Variants in WDR86 observed in about 807,000 individuals in gnomAD.
The protein encoded by WDR86 is WD repeat-containing protein 86.
WDR86 carries 30 observed loss-of-function variants against 36.5 expected under a neutral mutation model. That is an observed-to-expected ratio of 0.82 (90% CI 0.61 to 1.11). The LOEUF (loss-of-function observed/expected upper bound fraction) is 1.11, where lower values mean the gene tolerates loss of function less well. WDR86 is among the 50% of genes most tolerant of loss of function. The pLI is 0.00. For synonymous variants in WDR86, 255 were observed against 252.9 expected, an observed-to-expected ratio of 1.01 and a Z score of -0.08; for missense variants, 545 against 561.2, an observed-to-expected ratio of 0.97 and a Z score of 0.29.
chr7:151,389,704 C>T (rs952200940), intron 3 of WDR86, among the ~76,000 whole-genome samples: 2 of 152,126 alleles, frequency 1.3e-5, no homozygotes, highest in Non-Finnish European at 2.9e-5. Flanking sequence ...GTCTCAGGTG[C>T]ACCCACCAGG....
At chr7:151,379,816 G>A (rs530124823), downstream of WDR86, among the ~76,000 whole-genome samples, 2 of 152,288 alleles carry the variant, frequency 1.3e-5, no homozygotes, top group Admixed American at 6.5e-5. Context: ...TCAGTGAGGG[G>A]CTGCTCAGGC....
At chr7:151,382,942 C>G (rs1428139488) in intron 4 of WDR86, among the ~76,000 whole-genome samples, 1 of 150,120 alleles carries the variant, frequency 6.7e-6, no homozygotes, top group Non-Finnish European at 1.5e-5. Context: ...GGCTACCTAT[C>G]TATCTGAGGG....
downstream of WDR86, chr7:151,377,407 G>T: frequency 6.3e-6 from 3 of 474,856 alleles, no homozygotes; most frequent in South Asian, 3.3e-5. Flanking sequence ...TCTCGGGGAA[G>T]AAGCTTCCTC....
At chr7:151,382,394 G>T (rs1386873323) in intron 4 of WDR86, among the ~76,000 whole-genome samples, 1 of 152,140 alleles carries the variant, frequency 6.6e-6, no homozygotes, top group Non-Finnish European at 1.5e-5. Context: ...TCAAAGCCCA[G>T]CCCTCTGGGG....
intron 3 of WDR86, 85 bp from the exon 4 acceptor site, chr7:151,385,308 T>C (rs1385774216): frequency 1.3e-6 from 2 of 1,571,832 alleles, no homozygotes; most frequent in Admixed American, 3.5e-5. Flanking sequence ...GGAAGGGGCA[T>C]GTGCAGGTCT....
chr7:151,378,926 G>A (rs1798437227), downstream of WDR86, among the ~76,000 whole-genome samples: 1 of 152,246 alleles, frequency 6.6e-6, no homozygotes, highest in Non-Finnish European at 1.5e-5. Context: ...GAAGCCGGCT[G>A]TGGAGGCAGT....
rs551228585 is a variant in WDR86 at position 151,406,346 on chromosome 7, G to T, written c.163+3081C>A. 3.2e-4 allele frequency among the ~76,000 whole-genome samples: 48 copies of T among 152,220 alleles called. 1 individual carries two copies. The highest frequency in any genetic ancestry group is 6.8e-3 in the Middle Eastern group (2 of 292). ...CTGCGAGACACCCAGGAAAGCCTGC[G>T]GTCCCTGATTGCCCCTGCTGCCATG... On this transcript the variant is annotated intron_variant, in intron 1 of 5. Coordinates refer to ENST00000334493, the MANE Select transcript of WDR86 (RefSeq NM_198285.3). The surrounding 1 kb of genome is among the most constrained non-coding windows in gnomAD (Gnocchi z 4.4).
the WDR86 span, among the ~76,000 whole-genome samples, chr7:151,369,549 A>C: frequency 5.9e-5 from 9 of 152,270 alleles, no homozygotes; most frequent in Non-Finnish European, 1.3e-4. Context: ...ATGAAAGCAC[A>C]GGTTAAAAAA....
At position 151,396,153 on chromosome 7, in the gene WDR86, G is replaced by A. The variant is rs752255098; in HGVS notation, c.349C>T (p.Arg117Trp). 17 of 1,612,850 alleles carry A rather than the reference G, an allele frequency of 1.1e-5. No individual in the cohort carries two copies. The highest frequency in any genetic ancestry group is 6.7e-5 in the Admixed American group (4 of 60,010). The part of the protein sequence containing the change: ...NNQLFSSSYD[R>W]TARVWSVDKG... ...TCCACACTCCAGACCCGAGCTGTCC[G>A]GTCATAGGAGCTGCTGAAGAGCTGG... Residue 117 changes from arginine to tryptophan, a missense_variant, in exon 3 of 6, where the codon CGG becomes TGG. Transcript: ENST00000334493.
downstream of WDR86, among the ~76,000 whole-genome samples, chr7:151,378,900 A>C (rs1001490791): frequency 6.6e-6 from 1 of 152,220 alleles, no homozygotes; most frequent in South Asian, 2.1e-4. Context: ...TGTCTTGTGA[A>C]GAGAGAGCCG....
chr7:151,407,223 C>T (rs1046630522), intron 1 of WDR86, among the ~76,000 whole-genome samples: 11 of 152,322 alleles, frequency 7.2e-5, no homozygotes, highest in African/African-American at 2.6e-4. Context: ...GGTTGGGCAC[C>T]CTCCCTGGGA....
chr7:151,378,061 G>T (rs1027736516), downstream of WDR86: 1 of 152,186 alleles, frequency 6.6e-6, no homozygotes, highest in Admixed American at 6.5e-5. Flanking sequence ...GGTTTTTTGT[G>T]GGTTTTCTTT....
chr7:151,392,563 G>A (rs944158404), intron 3 of WDR86, among the ~76,000 whole-genome samples: 9 of 152,122 alleles, frequency 5.9e-5, no homozygotes, highest in South Asian at 2.1e-4. Context: ...GCGGAGCGCC[G>A]CCCATTCACT....
At chr7:151,375,856 C>T (rs937749765), downstream of WDR86, 1 of 1,608,362 alleles carries the variant, frequency 6.2e-7, no homozygotes, top group East Asian at 2.2e-5. Context: ...AGATTCTGCT[C>T]AGCAATCCTC....
intron 2 of WDR86, among the ~76,000 whole-genome samples, chr7:151,398,699 TTG>T (rs1224697096): frequency 1.3e-5 from 2 of 151,476 alleles, no homozygotes; most frequent in Non-Finnish European, 1.5e-5. Flanking sequence ...TATATGTATG[TTG>T]TGTGTGTGCG....
At chr7:151,392,939 C>T (rs1041585249) in intron 3 of WDR86, among the ~76,000 whole-genome samples, 5 of 152,200 alleles carry the variant, frequency 3.3e-5, no homozygotes, top group African/African-American at 1.2e-4. Flanking sequence ...CACCCCACCC[C>T]CCTGCTAGGA....
downstream of WDR86, chr7:151,374,582 C>G: frequency 2.6e-6 from 1 of 385,186 alleles, no homozygotes; most frequent in Non-Finnish European, 4.8e-6. Flanking sequence ...AATGGGAATT[C>G]AACTTGTAGT....
chr7:151,381,994 AGCGCGCGCTGG>A lies in WDR86; in HGVS notation c.863-24_863-14del. On this transcript the variant is annotated splice_polypyrimidine_tract_variant and intron_variant, in intron 4 of 5. Coordinates refer to ENST00000334493, the MANE Select transcript of WDR86 (RefSeq NM_198285.3). The surrounding 1 kb of genome is among the most constrained non-coding windows in gnomAD (Gnocchi z 4.8). ...CTGCCCGTGAACACTGCGGACACAC[AGCGCGCGCTGG>A]GCCTCCCTCCCTGCTCGGCCCCCCG... The A allele has an allele frequency of 6.3e-7, 1 of 1,586,082 alleles. No homozygotes were observed. The highest frequency in any genetic ancestry group is 8.6e-7 in the Non-Finnish European group (1 of 1,167,168).
Position 151,400,207 on chromosome 7 carries a change from C to A in WDR86, c.198G>T (p.Glu66Asp). ...HESYVTFCQL[E>D]DEAAFTCSAD... ...CGCTGCATGTGAAGGCAGCCTCATC[C>A]TCCAGCTGGCAGAAGGTCACATAGC... Residue 66 changes from glutamate to aspartate, a missense_variant, in exon 2 of 6, where the codon GAG (glutamate) becomes GAT (aspartate). Coordinates refer to ENST00000334493, the MANE Select transcript of WDR86 (RefSeq NM_198285.3). 6.2e-7 allele frequency: 1 copy of A among 1,611,080 alleles called. No individual in the cohort carries two copies. The highest frequency in any genetic ancestry group is 8.5e-7 in the Non-Finnish European group (1 of 1,178,642).
Sources: gnomAD v4.1 joint callset for allele counts (sites outside exome capture counted in the v4.1 genomes callset) on GRCh38, gnomAD v4.1.1 for gene constraint, Gnocchi (gnomAD v3.1) non-coding constraint, MANE v1.5 for transcripts, NCBI Gene and HGNC (gene_info 2026-07-23, HGNC 2026-07-21) for gene names.